FARP2: variants seen among roughly 807,000 people sequenced by gnomAD.
The protein encoded by FARP2 is FERM, ARHGEF and pleckstrin domain-containing protein 2.
In FARP2, 111 loss-of-function variants were observed where a neutral mutation model predicts 130.5. That is an observed-to-expected ratio of 0.85 (90% confidence interval 0.73 to 1.00). The LOEUF is 1.00. Ranked by LOEUF, FARP2 falls within the 50% of genes least tolerant of loss-of-function variation. The probability of loss-of-function intolerance (pLI) is 0.00; values close to 1 mark genes in which losing one functional copy is unlikely to be tolerated. For missense variants in FARP2, 1,385 were observed against 1,346.3 expected (o/e 1.03, Z -0.45); for synonymous variants, 504 against 516.9 (o/e 0.98, Z 0.34).
intron 7 of FARP2, among the ~76,000 whole-genome samples, chr2:241,415,941 G>A (rs1361449737): frequency 2.6e-5 from 4 of 151,606 alleles, no homozygotes; most frequent in Admixed American, 1.3e-4. Flanking sequence ...CACTTATGTC[G>A]AGAAGCCTGC....
At chr2:241,447,581 G>T (rs1241959503) in intron 13 of FARP2, among the ~76,000 whole-genome samples, 2 of 152,176 alleles carry the variant, frequency 1.3e-5, no homozygotes, top group Non-Finnish European at 2.9e-5. Flanking sequence ...ATTATTGCCT[G>T]TTTTTTCCAC....
In FARP2 at chr2:241,379,443, G is replaced by A. The variant is rs1015584038; in HGVS notation, c.183+6153G>A. ...CATTATTGTTCATCTACTTTCTCAC[G>A]TTCCCCTTTTCTTTAACATACTCAC... On this transcript the variant is annotated intron_variant, in intron 2 of 26. Transcript: ENST00000264042. 1.2e-4 allele frequency among the ~76,000 whole-genome samples: 19 copies of A among 152,242 alleles called. 1 individual carries two copies. Among genetic ancestry groups the A allele is most frequent in the Middle Eastern group, 6.8e-3 (2 of 294 alleles).
intron 21 of FARP2, chr2:241,489,725 C>G: frequency 2.5e-6 from 1 of 407,698 alleles, no homozygotes. Flanking sequence ...TAGTGCTGGA[C>G]CCCCCGGTGA....
rs757563320 is a variant in FARP2 at position 241,373,223 on chromosome 2, T to C, written c.116T>C (p.Met39Thr). 4 of 1,568,918 alleles carry C rather than the reference T, an allele frequency of 2.5e-6. No homozygotes were observed. The highest frequency in any genetic ancestry group is 3.5e-6 in the Non-Finnish European group (4 of 1,151,332). The part of the protein sequence containing the change: ...LEPGQTLLPR[M>T]QEKHLHLRVK... ...CCTGGGCAGACTCTCTTGCCCAGAA[T>C]GCAAGAGAAGCACCTGCACCTCAGA... Residue 39 changes from methionine (M) to threonine (T), a missense_variant, in exon 2 of 27, where the codon ATG becomes ACG. Coordinates refer to ENST00000264042, the MANE Select transcript of FARP2 (RefSeq NM_014808.4).
rs966227793 is a variant in FARP2, at chr2:241,493,953, GAC to G, written c.3048-53_3048-52del. On this transcript the variant is annotated intron_variant, in intron 26 of 26. Coordinates refer to ENST00000264042, the MANE Select transcript of FARP2 (RefSeq NM_014808.4). The stretch of plus-strand genomic sequence containing the variant: ...GTCCCATATCCTGGGTTGTTCTTGG[GAC>G]AGTGTCTGAGCACAAGATGGCTCAC... 4 of 1,137,314 alleles carry G rather than the reference GAC, an allele frequency of 3.5e-6. No individual in the cohort carries two copies. In the African/African-American group the frequency reaches 4.8e-5, roughly 14 times the overall value. 70.5% of individuals were successfully genotyped at this position (1,137,314 alleles called of 1,614,324 possible). A position where few individuals can be genotyped will look rare whatever the true frequency, so the allele number is the denominator to read the frequency against.
chr2:241,482,296 C>T lies in FARP2; in HGVS notation c.2263-1169C>T, dbSNP rs982556562. Among the ~76,000 whole-genome samples, 2 of 152,134 alleles carry T rather than the reference C, an allele frequency of 1.3e-5. No individual in the cohort carries two copies. Among genetic ancestry groups the T allele is most frequent in the Non-Finnish European group, 2.9e-5 (2 of 68,022 alleles). On this transcript the variant is annotated intron_variant, in intron 19 of 26. Coordinates refer to ENST00000264042, the MANE Select transcript of FARP2 (RefSeq NM_014808.4). This position sits in a 1 kb window ranked among gnomAD's most constrained non-coding sequence, Gnocchi z 4.6. ...GCCAGTGCATGGTGGAGAAGGCGCC[C>T]CGTGGGTCTGGGACGCACATCCTGT...
At chr2:241,402,222 A>G (rs1317893533) in intron 2 of FARP2, among the ~76,000 whole-genome samples, 2 of 152,218 alleles carry the variant, frequency 1.3e-5, no homozygotes, top group Non-Finnish European at 2.9e-5. Context: ...AAATTTTCAA[A>G]GGTGTTTTCA....
At chr2:241,464,883 G>A (rs1199333493) in intron 17 of FARP2, among the ~76,000 whole-genome samples, 2 of 151,900 alleles carry the variant, frequency 1.3e-5, no homozygotes, top group Non-Finnish European at 2.9e-5. Context: ...CAATGTCCAG[G>A]GCCCCATCAG....
chr2:241,446,982 A>G (rs932206771), intron 13 of FARP2: 3 of 152,156 alleles, frequency 2.0e-5, no homozygotes, highest in African/African-American at 7.2e-5. Context: ...TTCCTTATAC[A>G]TTTGAATTTG....
chr2:241,426,331 G>A (rs2150387098), intron 8 of FARP2, among the ~76,000 whole-genome samples: 1 of 152,306 alleles, frequency 6.6e-6, no homozygotes, highest in South Asian at 2.1e-4. Context: ...AAATTTTGAA[G>A]AAGGAAGCTT....
At chr2:241,379,504 T>C (rs952512899) in intron 2 of FARP2, among the ~76,000 whole-genome samples, 37 of 152,260 alleles carry the variant, frequency 2.4e-4, no homozygotes, top group African/African-American at 8.9e-4. Context: ...CTTTCTTTTT[T>C]TCTTTAGAAT....
chr2:241,442,441 G>GCA, intron 13 of FARP2: 1 of 456,646 alleles, frequency 2.2e-6, no homozygotes, highest in Non-Finnish European at 4.4e-6. Flanking sequence ...CAACCCTTTT[G>GCA]CACACACAAG....
intron 2 of FARP2, among the ~76,000 whole-genome samples, chr2:241,383,828 G>A (rs2061719409): frequency 1.3e-5 from 2 of 152,122 alleles, no homozygotes; most frequent in African/African-American, 4.8e-5. Context: ...CATGGGAAGA[G>A]CTGCTTTGGT....
At chr2:241,357,255 A>G (rs1478609368) in intron 1 of FARP2, among the ~76,000 whole-genome samples, 3 of 152,096 alleles carry the variant, frequency 2.0e-5, no homozygotes, top group Admixed American at 2.0e-4. Context: ...TCCGTGGGAT[A>G]TTTTTGTCTG....
intron 7 of FARP2, 93 bp from the exon 8 acceptor site, chr2:241,417,869 A>G (rs1574782913): frequency 8.7e-6 from 12 of 1,387,046 alleles, no homozygotes; most frequent in Admixed American, 1.8e-5. Context: ...CAAAGCCTTC[A>G]TTGTTGGTTT....
intron 26 of FARP2, 86 bp from the exon 27 acceptor site, chr2:241,493,922 C>G: frequency 1.2e-6 from 1 of 856,812 alleles, no homozygotes; most frequent in East Asian, 2.9e-5. Flanking sequence ...TTCTTTTGTC[C>G]TGCTTGTCCC....
chr2:241,372,348 C>T (rs1173508543), intron 1 of FARP2, among the ~76,000 whole-genome samples: 2 of 152,106 alleles, frequency 1.3e-5, no homozygotes, highest in Non-Finnish European at 2.9e-5. Context: ...TCCTTGTTAC[C>T]CTTATCCAGG....
intron 1 of FARP2, among the ~76,000 whole-genome samples, chr2:241,366,140 C>CGTATATATATATATAT (rs1559702356): frequency 5.6e-5 from 1 of 17,990 alleles, no homozygotes; most frequent in African/African-American, 1.9e-4. Context: ...TATATATATA[C>CGTATATATATATATAT]ACACACACAT....
At chr2:241,366,367 G>T (rs1167341082) in intron 1 of FARP2, among the ~76,000 whole-genome samples, 2 of 151,480 alleles carry the variant, frequency 1.3e-5, no homozygotes, top group Non-Finnish European at 2.9e-5. Flanking sequence ...TTTTCAGTTT[G>T]TAGAATTTTG....
Sources: gnomAD v4.1 joint callset for allele counts (sites outside exome capture counted in the v4.1 genomes callset) on GRCh38, gnomAD v4.1.1 for gene constraint, Gnocchi (gnomAD v3.1) non-coding constraint, MANE v1.5 for transcripts, NCBI Gene and HGNC (gene_info 2026-07-23, HGNC 2026-07-21) for gene names.